OR14I1: variants seen among roughly 807,000 people sequenced by gnomAD.
OR14I1 encodes olfactory receptor 14I1.
For synonymous variants in OR14I1, 118 were observed against 71.1 expected, an observed-to-expected ratio of 1.66 and a Z score of -3.32; for missense variants, 279 against 181.8, an observed-to-expected ratio of 1.53 and a Z score of -3.07.
the OR14I1 span, among the ~76,000 whole-genome samples, chr1:248,701,352 C>T: frequency 2.0e-5 from 3 of 149,724 alleles, no homozygotes; most frequent in African/African-American, 5.1e-5. Flanking sequence ...CGGGGTTTCA[C>T]CATGTTGGCC....
At chr1:248,697,477 TAAAAAAAAA>T in the OR14I1 span, among the ~76,000 whole-genome samples, 264 of 127,688 alleles carry the variant, frequency 2.1e-3, 1 homozygote, top group African/African-American at 7.1e-3. Context: ...TGGTTAGGTT[TAAAAAAAAA>T]AAAAAAAAAA....
the OR14I1 span, chr1:248,698,827 A>C: frequency 6.6e-6 from 1 of 152,236 alleles, no homozygotes; most frequent in African/African-American, 2.4e-5. Flanking sequence ...AAGGAGGAGG[A>C]GAGTGGAAGT....
At chr1:248,684,278 TG>T (rs1661607171), upstream of OR14I1, among the ~76,000 whole-genome samples, 2 of 152,232 alleles carry the variant, frequency 1.3e-5, no homozygotes, top group African/African-American at 4.8e-5. Context: ...AACTTTAACA[TG>T]ATGCTATTTT....
chr1:248,679,045 T>G (rs1453848052), downstream of OR14I1, among the ~76,000 whole-genome samples: 1 of 152,340 alleles, frequency 6.6e-6, no homozygotes, highest in South Asian at 2.1e-4. Context: ...TAGATCCTGA[T>G]CCTTGTAACT....
upstream of OR14I1, among the ~76,000 whole-genome samples, chr1:248,684,041 A>AG (rs5782530): frequency 0.76 from 114,981 of 151,644 alleles, 45,954 homozygotes; most frequent in Non-Finnish European, 0.88. Context: ...TCAAAAAGGA[A>AG]AAACAAAAAG....
downstream of OR14I1, among the ~76,000 whole-genome samples, chr1:248,678,374 T>C (rs185504932): frequency 3.3e-5 from 5 of 152,336 alleles, no homozygotes; most frequent in Admixed American, 3.3e-4. Context: ...TCACAGATCA[T>C]TAAATAAACC....
chr1:248,678,455 A>G (rs979546087), downstream of OR14I1, among the ~76,000 whole-genome samples: 49 of 152,266 alleles, frequency 3.2e-4, no homozygotes, highest in Non-Finnish European at 6.0e-4. Flanking sequence ...ATTGGAAGTC[A>G]ATTACACGAA....
the OR14I1 span, among the ~76,000 whole-genome samples, chr1:248,700,993 A>G: frequency 6.6e-6 from 1 of 152,364 alleles, no homozygotes; most frequent in East Asian, 1.9e-4. Flanking sequence ...CAAAATGGGC[A>G]ATGTAATTTA....
chr1:248,683,523 C>G (rs1052549160), upstream of OR14I1, among the ~76,000 whole-genome samples: 2 of 152,116 alleles, frequency 1.3e-5, no homozygotes, highest in Admixed American at 1.3e-4. Context: ...AAATGCTATC[C>G]CTTGCTACCA....
At chr1:248,697,641 G>A in the OR14I1 span, among the ~76,000 whole-genome samples, 4 of 152,092 alleles carry the variant, frequency 2.6e-5, no homozygotes, top group African/African-American at 2.4e-5. Flanking sequence ...AAAATTGGCC[G>A]GAGTGGTGGC....
At chr1:248,682,071 T>A (rs771631759) in exon 1 of OR14I1, 1 of 781,028 alleles carries the variant, frequency 1.3e-6, no homozygotes, top group Non-Finnish European at 2.4e-6. Context: ...TACGGATGGA[T>A]TTAGGCACAG....
At chr1:248,685,759 TATAC>T (rs1344076172), upstream of OR14I1, among the ~76,000 whole-genome samples, 1 of 150,174 alleles carries the variant, frequency 6.7e-6, no homozygotes, top group Non-Finnish European at 1.5e-5. Flanking sequence ...TGTGTATATG[TATAC>T]ATACATATAT....
chr1:248,695,338 A>G, the OR14I1 span, among the ~76,000 whole-genome samples: 46 of 146,268 alleles, frequency 3.1e-4, no homozygotes, highest in African/African-American at 1.2e-3. Context: ...GGTTCACGTC[A>G]TTCTCCTGCC....
Position 248,681,987 on chromosome 1 carries a change from T to C in OR14I1, c.318A>G (p.Ala106=), listed in dbSNP as rs150617326. The C allele has an allele frequency of 5.0e-5, 39 of 780,848 alleles. No individual in the cohort carries two copies. In the African/African-American group the frequency reaches 5.9e-4, roughly 12 times the overall value. 48.4% of individuals were successfully genotyped at this position (780,848 alleles called of 1,614,324 possible). A position where few individuals can be genotyped will look rare whatever the true frequency, so the allele number is the denominator to read the frequency against. ...CAGTAAGGAAGGCCAGCTCAGCAGATGCAAAGGCAGAGAAAAAATAGACTT... is the reference window on the plus strand; with the variant it reads ...CAGTAAGGAAGGCCAGCTCAGCAGACGCAAAGGCAGAGAAAAAATAGACTT... The change falls in exon 1 of 1, where the codon GCA becomes GCG. Residue 106 remains alanine (A), a synonymous_variant. Coordinates refer to ENST00000342623, the Ensembl canonical transcript of OR14I1.
At chr1:248,685,254 C>A (rs1046971938), upstream of OR14I1, among the ~76,000 whole-genome samples, 3 of 151,906 alleles carry the variant, frequency 2.0e-5, no homozygotes, top group African/African-American at 7.2e-5. Flanking sequence ...TGATTACATT[C>A]TGCATATTTT....
the OR14I1 span, among the ~76,000 whole-genome samples, chr1:248,700,489 G>A: frequency 2.6e-5 from 4 of 152,206 alleles, no homozygotes; most frequent in African/African-American, 7.2e-5. Context: ...AATTTATGGA[G>A]AAATGTCATT....
At chr1:248,696,713 T>A in the OR14I1 span, among the ~76,000 whole-genome samples, 1 of 152,216 alleles carries the variant, frequency 6.6e-6, no homozygotes. Context: ...ACCCCGTGAA[T>A]TATCCCTACC....
At chr1:248,702,025 G>A in the OR14I1 span, among the ~76,000 whole-genome samples, 905 of 152,236 alleles carry the variant, frequency 5.9e-3, 9 homozygotes, top group African/African-American at 0.021. Context: ...GAGGAGGAGA[G>A]CAAACGGGAA....
At chr1:248,683,678 C>G (rs925569674), upstream of OR14I1, among the ~76,000 whole-genome samples, 1 of 152,160 alleles carries the variant, frequency 6.6e-6, no homozygotes, top group African/African-American at 2.4e-5. Flanking sequence ...TGTCCAAATG[C>G]TATAAATGAT....
Sources: gnomAD v4.1 joint callset for allele counts (sites outside exome capture counted in the v4.1 genomes callset) on GRCh38, gnomAD v4.1.1 for gene constraint, MANE v1.5 for transcripts, NCBI Gene and HGNC (gene_info 2026-07-23, HGNC 2026-07-21) for gene names.